RNF212B: variants seen among roughly 807,000 people sequenced by gnomAD.
RNF212B encodes ring finger protein 212B.
A neutral mutation model predicts 55.5 loss-of-function variants in RNF212B; 52 were observed. The observed-to-expected ratio is 0.94, with a 90% CI of 0.75 to 1.18. The LOEUF (loss-of-function observed/expected upper bound fraction) is 1.18. Ranked by LOEUF, RNF212B falls within the 50% of genes most tolerant of loss-of-function variation. The probability of loss-of-function intolerance (pLI) is 0.00; values close to 1 mark genes in which losing one functional copy is unlikely to be tolerated. For missense variants in RNF212B, 289 were observed against 350.4 expected, an observed-to-expected ratio of 0.82 and a Z score of 1.40; for synonymous variants, 99 against 121.4, an observed-to-expected ratio of 0.82 and a Z score of 1.21.
intron 4 of RNF212B, among the ~76,000 whole-genome samples, chr14:23,246,303 C>T (rs1467711678): frequency 6.6e-6 from 1 of 151,870 alleles, no homozygotes; most frequent in African/African-American, 2.4e-5. Context: ...AACATAGTAC[C>T]AGGAGCATAG....
At chr14:23,266,770 T>A (rs1489589138) in intron 11 of RNF212B, among the ~76,000 whole-genome samples, 1 of 152,202 alleles carries the variant, frequency 6.6e-6, no homozygotes, top group Non-Finnish European at 1.5e-5. Context: ...GAATGCTCCA[T>A]GTGTATGTGG....
intron 4 of RNF212B, among the ~76,000 whole-genome samples, chr14:23,248,945 G>C (rs999465617): frequency 1.3e-5 from 2 of 152,192 alleles, no homozygotes; most frequent in South Asian, 2.1e-4. Flanking sequence ...TTCCGATGCT[G>C]CTACCCAACT....
rs142365479 is a variant in RNF212B at position 23,198,764 on chromosome 14, C to T, written c.-2+5363C>T. Among the ~76,000 whole-genome samples the T allele has an allele frequency of 5.9e-3, 897 of 151,766 alleles. 9 individuals carry two copies. The highest frequency in any genetic ancestry group is 0.02 in the African/African-American group (842 of 41,376). On this transcript the variant is annotated intron_variant, in intron 2 of 15. Coordinates refer to the RNF212B transcript ENST00000399910. ...GGTATATGGGTTAATAGTTCTCAAA[C>T]GGCTTTACATATGTACTGGGGCTGA...
Position 23,264,684 on chromosome 14 carries a change from G to GA in RNF212B, c.634+17dup. 1 of 1,282,064 alleles carries GA rather than the reference G, an allele frequency of 7.8e-7. No individual in the cohort carries two copies. Among genetic ancestry groups the GA allele is most frequent in the Non-Finnish European group, 1.0e-6 (1 of 1,004,996 alleles). 79.4% of individuals were successfully genotyped at this position (1,282,064 alleles called of 1,614,324 possible). ...GACTCTTATAATGGTGAGGTGGGGGGAAAAGGGTGTCAGAAATCAACTTAC... is the reference window on the plus strand; with the variant it reads ...GACTCTTATAATGGTGAGGTGGGGGGAAAAAGGGTGTCAGAAATCAACTTAC... On this transcript the variant is annotated intron_variant, in intron 11 of 14. Coordinates refer to ENST00000430154, the MANE Select transcript of RNF212B (RefSeq NM_001282322.3).
In RNF212B at chr14:23,262,647, T is replaced by G; in HGVS notation, c.435-18T>G. ...TGCCTAGAGAGATTAGAGCCGCCTC[T>G]TTTTTTTTCCCTTGCAGGTCAATCA... On this transcript the variant is annotated intron_variant, in intron 7 of 14. Transcript: ENST00000430154. 1 of 1,482,662 alleles carries G rather than the reference T, an allele frequency of 6.7e-7. No homozygotes were observed. Among genetic ancestry groups the G allele is most frequent in the South Asian group, 1.2e-5 (1 of 81,910 alleles). 91.8% of individuals were successfully genotyped at this position (1,482,662 alleles called of 1,614,324 possible).
intron 2 of RNF212B, among the ~76,000 whole-genome samples, chr14:23,207,638 C>T (rs570132475): frequency 2.0e-5 from 3 of 152,228 alleles, no homozygotes; most frequent in South Asian, 4.2e-4. Flanking sequence ...TGTCAAAGGT[C>T]GGGGGCAACT....
rs148936939 is a variant in RNF212B, at chr14:23,203,541, C to T, written c.-2+10140C>T. Among the ~76,000 whole-genome samples, 976 of 148,586 alleles carry T rather than the reference C, an allele frequency of 6.6e-3. 5 individuals are homozygous for T. Among genetic ancestry groups the T allele is most frequent in the African/African-American group, 0.023 (909 of 40,258 alleles). Reference sequence around the variant, plus strand: ...TCACCCACGCTGGAGTGCAATGGCACGATCTTGGCTCACTGCAATCTCCAC... The same window carrying T: ...TCACCCACGCTGGAGTGCAATGGCATGATCTTGGCTCACTGCAATCTCCAC... On this transcript the variant is annotated intron_variant, in intron 2 of 15. Transcript: ENST00000399910.
chr14:23,195,889 C>T (rs372505895), intron 2 of RNF212B, among the ~76,000 whole-genome samples: 7 of 152,308 alleles, frequency 4.6e-5, no homozygotes, highest in African/African-American at 1.7e-4. Flanking sequence ...AATTATGTGA[C>T]TTGCCAAGGA....
intron 1 of RNF212B, among the ~76,000 whole-genome samples, chr14:23,239,410 A>G (rs1000729281): frequency 6.6e-6 from 1 of 152,076 alleles, no homozygotes; most frequent in Admixed American, 6.6e-5. Context: ...GTGGAAGGAA[A>G]GTATACAAGC....
At chr14:23,252,401 A>G (rs1035167460) in intron 4 of RNF212B, among the ~76,000 whole-genome samples, 3 of 152,230 alleles carry the variant, frequency 2.0e-5, no homozygotes, top group African/African-American at 7.2e-5. Context: ...TTATGATTTC[A>G]TCACATGTAA....
chr14:23,208,715 G>A (rs1432102233), intron 2 of RNF212B, among the ~76,000 whole-genome samples: 1 of 150,108 alleles, frequency 6.7e-6, no homozygotes, highest in Non-Finnish European at 1.5e-5. Context: ...TAAAAGAATG[G>A]CTACTTCACA....
intron 4 of RNF212B, among the ~76,000 whole-genome samples, chr14:23,255,277 A>G (rs1884752796): frequency 6.6e-6 from 1 of 152,216 alleles, no homozygotes. Context: ...CCTCAAGTCT[A>G]GGACTGCAAA....
At chr14:23,254,338 A>T (rs965478087) in intron 4 of RNF212B, among the ~76,000 whole-genome samples, 3 of 150,420 alleles carry the variant, frequency 2.0e-5, no homozygotes, top group South Asian at 2.1e-4. Flanking sequence ...AAACAAAAAC[A>T]AAAACTAAAA....
intron 1 of RNF212B, among the ~76,000 whole-genome samples, chr14:23,238,396 C>T (rs559790930): frequency 3.0e-4 from 46 of 151,964 alleles, no homozygotes; most frequent in African/African-American, 1.1e-3. Context: ...GTAAATCTTA[C>T]GAAGTTTGTA....
chr14:23,228,888 T>C (rs1053300489), intron 2 of RNF212B, among the ~76,000 whole-genome samples: 1 of 152,120 alleles, frequency 6.6e-6, no homozygotes, highest in Non-Finnish European at 1.5e-5. Context: ...TAAAATTTGC[T>C]ATTTTAACCA....
At chr14:23,230,653 CAAAAAAAAAAAAAAAA>C (rs60122483) in intron 2 of RNF212B, among the ~76,000 whole-genome samples, 2 of 73,994 alleles carry the variant, frequency 2.7e-5, no homozygotes, top group Non-Finnish European at 5.4e-5. Flanking sequence ...GACTCCATCT[CAAAAAAAAAAAAAAAA>C]AAAAAAAAAA....
At chr14:23,242,108 G>GAAAAGA (rs58810022) in intron 2 of RNF212B, among the ~76,000 whole-genome samples, 27,612 of 111,578 alleles carry the variant, frequency 0.25, 3,370 homozygotes, top group African/African-American at 0.3. Flanking sequence ...AAAAAAAAAA[G>GAAAAGA]AAAAGAAAAA....
At chr14:23,226,458 A>G (rs1196210716) in intron 2 of RNF212B, among the ~76,000 whole-genome samples, 7 of 151,688 alleles carry the variant, frequency 4.6e-5, no homozygotes, top group Non-Finnish European at 8.9e-5. Context: ...GTGGAACCCC[A>G]TCTCTACTAA....
At chr14:23,262,303 G>A (rs1885352097) in intron 7 of RNF212B, among the ~76,000 whole-genome samples, 1 of 152,078 alleles carries the variant, frequency 6.6e-6, no homozygotes, top group African/African-American at 2.4e-5. Context: ...TTTGGGTTTA[G>A]TTATTTTTCT....
Sources: allele counts gnomAD v4.1 joint callset (sites outside exome capture counted in the v4.1 genomes callset), GRCh38; gene constraint gnomAD v4.1.1; transcripts MANE v1.5; gene names NCBI Gene and HGNC (gene_info 2026-07-23, HGNC 2026-07-21).